The following WDFY4 variants were observed in gnomAD, a reference collection of about 807,000 sequenced individuals.
WDFY4 encodes WD repeat- and FYVE domain-containing protein 4.
In WDFY4, 169 loss-of-function variants were observed where a neutral mutation model predicts 351.9. The observed-to-expected ratio is 0.48, with a 90% CI of 0.42 to 0.55. The LOEUF is 0.55. Among genes scored for constraint, WDFY4 ranks in the 20% least tolerant of loss-of-function variants. WDFY4 has a pLI of 0.00. For synonymous variants in WDFY4, 1,622 were observed against 1,574.6 expected (o/e 1.03, Z -0.71); for missense variants, 3,803 against 3,935.6 (o/e 0.97, Z 0.90).
intron 47 of WDFY4, among the ~76,000 whole-genome samples, chr10:48,926,842 A>G (rs563073892): frequency 2.0e-5 from 3 of 152,186 alleles, no homozygotes; most frequent in Non-Finnish European, 2.9e-5. Context: ...CTTCATAGGC[A>G]TGTGTCCCCA....
At chr10:48,959,639 C>A in intron 52 of WDFY4, 83 bp from the exon 53 acceptor site, 1 of 1,270,076 alleles carries the variant, frequency 7.9e-7, no homozygotes, top group Non-Finnish European at 1.1e-6. Context: ...AATCAGCAAT[C>A]CTGGGCAATG....
intron 57 of WDFY4, among the ~76,000 whole-genome samples, chr10:48,971,759 ATATGCAGGGGCAGTGCACCCCTGAGAG>A (rs1242033675): frequency 6.6e-6 from 1 of 152,172 alleles, no homozygotes; most frequent in Non-Finnish European, 1.5e-5. Flanking sequence ...GGGCTGACAC[ATATGCAGGGGCAGTGCACCCCTGAGAG>A]GCAGCTGTAC....
In WDFY4 at chr10:48,807,959, G is replaced by T; in HGVS notation, c.4838+1G>T. 6.5e-7 allele frequency: 1 copy of T among 1,536,404 alleles called. No individual in the cohort carries two copies. Among genetic ancestry groups the T allele is most frequent in the Non-Finnish European group, 8.8e-7 (1 of 1,140,526 alleles). On this transcript the variant is annotated splice_donor_variant, in intron 28 of 61. Transcript: ENST00000325239. LOFTEE classifies it high-confidence loss of function. ...CCCCCCAGCTTCATCTGTCCTCTGAGTAAGTAGCTCCAGGAAGAGCAATTT... is the reference window on the plus strand; with the variant it reads ...CCCCCCAGCTTCATCTGTCCTCTGATTAAGTAGCTCCAGGAAGAGCAATTT...
intron 47 of WDFY4, among the ~76,000 whole-genome samples, chr10:48,917,708 C>G (rs1354221348): frequency 6.6e-6 from 1 of 152,142 alleles, no homozygotes; most frequent in Non-Finnish European, 1.5e-5. Context: ...TTGCCACTAA[C>G]TAAGCTGCTG....
chr10:48,953,585 C>T (rs78712386), intron 51 of WDFY4, among the ~76,000 whole-genome samples: 2,151 of 152,250 alleles, frequency 0.014, 19 homozygotes, highest in Middle Eastern at 0.045. Context: ...TCAACAGGGT[C>T]CTGTAAGTGA....
chr10:48,763,741 G>A (rs2065584382), intron 13 of WDFY4, among the ~76,000 whole-genome samples: 1 of 152,186 alleles, frequency 6.6e-6, no homozygotes, highest in South Asian at 2.1e-4. Context: ...AGTAATTTAG[G>A]AAAAGTCTAA....
intron 39 of WDFY4, among the ~76,000 whole-genome samples, chr10:48,852,681 C>T (rs1407156386): frequency 6.6e-6 from 1 of 152,182 alleles, no homozygotes; most frequent in Non-Finnish European, 1.5e-5. Context: ...GCACCAGCTA[C>T]AGCCTCATCC....
At position 48,946,970 on chromosome 10, in the gene WDFY4, G is replaced by T; in HGVS notation, c.7977+1G>T. The T allele has an allele frequency of 1.9e-6, 3 of 1,544,220 alleles. No homozygotes were observed. Among genetic ancestry groups the T allele is most frequent in the Non-Finnish European group, 2.6e-6 (3 of 1,143,236 alleles). On this transcript the variant is annotated splice_donor_variant, in intron 51 of 61. Coordinates refer to ENST00000325239, the MANE Select transcript of WDFY4 (RefSeq NM_001394531.1). LOFTEE classifies it high-confidence loss of function. ...CACCCAGGCCTTCTGCGCTCTGCAG[G>T]TGAGCTGCTGCCACTCTCTGTACAC...
chr10:48,869,816 C>A (rs2069693567), intron 40 of WDFY4, among the ~76,000 whole-genome samples: 1 of 152,140 alleles, frequency 6.6e-6, no homozygotes, highest in Non-Finnish European at 1.5e-5. Context: ...TGTCTTCTGT[C>A]CCACTCTCTT....
chr10:48,737,380 T>C (rs916972522), intron 11 of WDFY4, among the ~76,000 whole-genome samples: 4 of 152,250 alleles, frequency 2.6e-5, no homozygotes, highest in African/African-American at 9.6e-5. Flanking sequence ...GAAGTTGCTC[T>C]GATTTCCAAA....
chr10:48,787,936 CTTCTTCTT>C (rs1565199001), intron 20 of WDFY4, among the ~76,000 whole-genome samples: 15 of 98,366 alleles, frequency 1.5e-4, no homozygotes, highest in South Asian at 3.7e-4. Flanking sequence ...TCTTCTTCTT[CTTCTTCTT>C]CTTCTTCTTC....
Position 48,817,903 on chromosome 10 carries a change from G to A in WDFY4, c.5505+494G>A, listed in dbSNP as rs371798716. ...TTAGAGCCAGACAAGCCAAGGGGAGGGCAGAGCCTGATTTAAGGATGAGGT... is the reference window on the plus strand; with the variant it reads ...TTAGAGCCAGACAAGCCAAGGGGAGAGCAGAGCCTGATTTAAGGATGAGGT... On this transcript the variant is annotated intron_variant, in intron 32 of 61. Transcript: ENST00000325239. Among the ~76,000 whole-genome samples, 167 of 152,372 alleles carry A rather than the reference G, an allele frequency of 1.1e-3. 1 individual carries two copies. Among genetic ancestry groups the A allele is most frequent in the African/African-American group, 3.9e-3 (164 of 41,592 alleles).
chr10:48,753,202 T>C (rs1222023905), intron 12 of WDFY4, among the ~76,000 whole-genome samples: 1 of 152,196 alleles, frequency 6.6e-6, no homozygotes, highest in East Asian at 1.9e-4. Flanking sequence ...TGGCCCATAT[T>C]TTAATTGGGT....
At position 48,957,376 on chromosome 10, in the gene WDFY4, C is replaced by T. The variant is rs1205274912; in HGVS notation, c.8131+94C>T. On this transcript the variant is annotated intron_variant, in intron 52 of 61. Transcript: ENST00000325239. ...ATGACCAACATCATCTGGACCTTTG[C>T]TAGGCCCTCCCCAGGACCTCAACTT... 11 of 1,447,896 alleles carry T rather than the reference C, an allele frequency of 7.6e-6. No individual in the cohort carries two copies. The African/African-American group carries it at 1.4e-4, about 19-fold the overall frequency. The allele number at this position is 1,447,896 out of a possible 1,614,324, so 89.7% of individuals were successfully genotyped here.
intron 37 of WDFY4, among the ~76,000 whole-genome samples, chr10:48,830,276 C>T (rs192064911): frequency 6.6e-6 from 1 of 152,162 alleles, no homozygotes; most frequent in Admixed American, 6.5e-5. Flanking sequence ...GGTGTCCATT[C>T]CCCTGAGAGG....
chr10:48,887,778 CAAA>C (rs11352403), intron 43 of WDFY4, among the ~76,000 whole-genome samples: 8 of 137,220 alleles, frequency 5.8e-5, no homozygotes, highest in Admixed American at 7.2e-5. Context: ...GACTCCATCT[CAAA>C]AAAAAAAAAA....
chr10:48,715,459 T>C (rs994867072), intron 2 of WDFY4, among the ~76,000 whole-genome samples: 1 of 152,224 alleles, frequency 6.6e-6, no homozygotes, highest in Non-Finnish European at 1.5e-5. Context: ...TGTTTGTGTG[T>C]GTGCATATGT....
At chr10:48,932,113 G>T (rs1004949833) in intron 47 of WDFY4, among the ~76,000 whole-genome samples, 1 of 152,236 alleles carries the variant, frequency 6.6e-6, no homozygotes, top group African/African-American at 2.4e-5. Context: ...CTGCAAAATG[G>T]ATTGGTCAAT....
At chr10:48,696,563 G>A (rs1251952263) in intron 1 of WDFY4, among the ~76,000 whole-genome samples, 2 of 152,248 alleles carry the variant, frequency 1.3e-5, no homozygotes, top group Non-Finnish European at 2.9e-5. Flanking sequence ...TCCTTGTGAG[G>A]AGACCCGAGA....
Sources: allele counts gnomAD v4.1 joint callset (sites outside exome capture counted in the v4.1 genomes callset), GRCh38; gene constraint gnomAD v4.1.1; transcripts MANE v1.5; gene names NCBI Gene and HGNC (gene_info 2026-07-23, HGNC 2026-07-21).